MMP19: variants seen among roughly 807,000 people sequenced by gnomAD.
MMP19 encodes the protein matrix metalloproteinase-19.
MMP19 carries 47 observed loss-of-function variants against 46.6 expected under a neutral mutation model. That is an observed-to-expected ratio of 1.01 (90% CI 0.80 to 1.29). The LOEUF is 1.29. Among genes scored for constraint, MMP19 ranks in the 50% most tolerant of loss-of-function variants. The pLI is 0.00. For synonymous variants in MMP19, 222 were observed against 248.5 expected (o/e 0.89, Z 1.00); for missense variants, 589 against 643.5 (o/e 0.92, Z 0.92).
intron 5 of MMP19, 143 bp downstream of exon 5, chr12:55,839,353 T>G (rs1356618560): frequency 1.9e-6 from 2 of 1,055,720 alleles, no homozygotes; most frequent in Non-Finnish European, 1.3e-6. Flanking sequence ...AAACTGCTCC[T>G]GAAAATGAAG....
intron 3 of MMP19, 97 bp from the exon 4 acceptor site, chr12:55,840,979 A>T: frequency 6.5e-7 from 1 of 1,534,246 alleles, no homozygotes; most frequent in East Asian, 2.3e-5. Context: ...AAGACAGGTG[A>T]CAACCAGGTA....
intron 5 of MMP19, 30 bp downstream of exon 5, chr12:55,839,466 C>T (rs200235236): frequency 1.9e-6 from 3 of 1,578,738 alleles, no homozygotes; most frequent in Non-Finnish European, 1.7e-6. Context: ...GTCAGACTGA[C>T]CCTCCCCCTC....
intron 4 of MMP19, 62 bp downstream of exon 4, chr12:55,840,605 G>T: frequency 2.0e-6 from 3 of 1,509,430 alleles, no homozygotes; most frequent in Non-Finnish European, 2.7e-6. Flanking sequence ...AGAGTCACTG[G>T]TTCAAGGAGA....
chr12:55,842,922 C>T lies in MMP19; in HGVS notation c.-92G>A. ...GGGAGCAGTGCTAGGCAGAGGGGCT[C>T]TTACCCCCAGTTCTTTTTACTCTCC... On this transcript the variant is annotated 5_prime_UTR_variant, in exon 1 of 9. Transcript: ENST00000322569. 2 of 950,258 alleles carry T rather than the reference C, an allele frequency of 2.1e-6. No homozygotes were observed. Among genetic ancestry groups the T allele is most frequent in the Middle Eastern group, 2.1e-4 (1 of 4,758 alleles). 58.9% of individuals were successfully genotyped at this position (950,258 alleles called of 1,614,324 possible). A position where few individuals can be genotyped will look rare whatever the true frequency, so the allele number is the denominator to read the frequency against.
intron 5 of MMP19, among the ~76,000 whole-genome samples, chr12:55,839,260 A>AG (rs1381062735): frequency 1.3e-5 from 2 of 151,624 alleles, no homozygotes; most frequent in Admixed American, 6.6e-5. Context: ...AAAAAAAAAA[A>AG]AAGAAGGTGC....
At position 55,842,742 on chromosome 12, in the gene MMP19, AC is replaced by A. The variant is rs1320204548; in HGVS notation, c.87+1del. 1 of 1,601,680 alleles carries A rather than the reference AC, an allele frequency of 6.2e-7. No homozygotes were observed. On this transcript the variant is annotated splice_donor_variant, in intron 1 of 8. Transcript: ENST00000322569. LOFTEE classifies it high-confidence loss of function. ...CCCAGGTCTCTTTCTTGGGGGACTTACCACAGGCGCCACCTCTGCAAGCCCC... is the reference window on the plus strand; with the variant it reads ...CCCAGGTCTCTTTCTTGGGGGACTTACACAGGCGCCACCTCTGCAAGCCCC...
At position 55,839,633 on chromosome 12, in the gene MMP19, G is replaced by A. The variant is rs751187262; in HGVS notation, c.629C>T (p.Ala210Val). The A allele has an allele frequency of 6.2e-7, 1 of 1,614,248 alleles. No individual in the cohort carries two copies. The highest frequency in any genetic ancestry group is 8.5e-7 in the Non-Finnish European group (1 of 1,180,044). The change falls in exon 5 of 9, where the codon GCA (alanine) becomes GTA (valine). Residue 210 changes from alanine (A) to valine (V), a missense_variant. Physicochemically the swap from Ala to Val is moderately conservative, Grantham distance 64. Transcript: ENST00000322569. The part of the protein sequence containing the change: ...TYRGVNLRII[A>V]AHEVGHALGL... ...CAGAGCATGGCCCACTTCATGGGCT[G>A]CAATGATGCGCAGGTTCACCCCACG...
chr12:55,838,493 G>A (rs772125586), intron 6 of MMP19, 113 bp downstream of exon 6: 3 of 1,606,312 alleles, frequency 1.9e-6, no homozygotes, highest in East Asian at 2.2e-5. Context: ...AATGCCTGGG[G>A]TCTAACCTCC....
rs746174300 is a variant in MMP19 at position 55,837,937 on chromosome 12, G to A, written c.966C>T (p.Pro322=). The A allele has an allele frequency of 6.2e-7, 1 of 1,613,034 alleles. No individual in the cohort carries two copies. The highest frequency in any genetic ancestry group is 1.7e-5 in the Admixed American group (1 of 59,972). ...CCCAAAGGGCAGACACTCGGAACAA[G>A]GGGCCCGGTCCTGAATCTGATACAG... ...VWTVSDSGPG[P]LFRVSALWEG... The change falls in exon 7 of 9, where the codon CCC becomes CCT. Residue 322 remains proline, a synonymous_variant. Transcript: ENST00000322569.
chr12:55,839,723 G>T lies in MMP19; in HGVS notation c.539C>A (p.Ala180Asp). Residue 180 changes from alanine (A) to aspartate (D), a missense_variant, in exon 5 of 9, where the codon GCC becomes GAC. Coordinates refer to ENST00000322569, the MANE Select transcript of MMP19 (RefSeq NM_002429.6). Reference sequence around the variant, plus strand: ...CACACTGCCCAGCTCTGGGATGTCGGCATGGGCCAGGACTCTCCCTGGACA... The same window carrying T: ...CACACTGCCCAGCTCTGGGATGTCGTCATGGGCCAGGACTCTCCCTGGACA... ...FDGPGRVLAH[A>D]DIPELGSVHF... The T allele has an allele frequency of 6.2e-7, 1 of 1,612,090 alleles. No individual in the cohort carries two copies. The highest frequency in any genetic ancestry group is 8.5e-7 in the Non-Finnish European group (1 of 1,179,108).
At chr12:55,838,401 T>C in intron 6 of MMP19, 1 of 1,184,162 alleles carries the variant, frequency 8.4e-7, no homozygotes, top group East Asian at 2.4e-5. Flanking sequence ...CGTGGCAGCC[T>C]TGGTAAGTGC....
At chr12:55,842,599 C>T (rs1488415453) in intron 1 of MMP19, 145 bp downstream of exon 1, 19 of 848,396 alleles carry the variant, frequency 2.2e-5, no homozygotes, top group African/African-American at 1.5e-4. Flanking sequence ...GGGGAAGCAG[C>T]GGGAGATGGG....
Position 55,835,937 on chromosome 12 carries a change from A to G in MMP19, c.*1099T>C, listed in dbSNP as rs997728066. The G allele has an allele frequency of 6.6e-6, 1 of 152,324 alleles. No individual in the cohort carries two copies. Among genetic ancestry groups the G allele is most frequent in the African/African-American group, 2.4e-5 (1 of 41,460 alleles). 9.4% of individuals were successfully genotyped at this position (152,324 alleles called of 1,614,324 possible). A position where few individuals can be genotyped will look rare whatever the true frequency, so the allele number is the denominator to read the frequency against. On this transcript the variant is annotated 3_prime_UTR_variant, in exon 9 of 9. Coordinates refer to ENST00000322569, the MANE Select transcript of MMP19 (RefSeq NM_002429.6). ...CCCCAAAAGCTGGCTTCTTGCTCCA[A>G]GGAGAGAGCATTGACCCACCTGCCA...
At chr12:55,839,817 C>G in intron 4 of MMP19, 76 bp from the exon 5 acceptor site, 2 of 1,492,758 alleles carry the variant, frequency 1.3e-6, no homozygotes, top group East Asian at 2.5e-5. Context: ...ATTATAAACT[C>G]TAATTAATGC....
At chr12:55,840,941 C>G (rs531939357) in intron 3 of MMP19, 59 bp from the exon 4 acceptor site, 1 of 1,531,566 alleles carries the variant, frequency 6.5e-7, no homozygotes, top group African/African-American at 1.4e-5. Context: ...CCCCAGAGAG[C>G]TCCTCTGGGT....
intron 1 of MMP19, 151 bp downstream of exon 1, chr12:55,842,593 A>T (rs1264019409): frequency 4.7e-6 from 4 of 842,846 alleles, no homozygotes; most frequent in Non-Finnish European, 7.9e-6. Flanking sequence ...GAACAAGGGG[A>T]AGCAGCGGGA....
In MMP19 at chr12:55,836,891, C is replaced by T. The variant is rs958525615; in HGVS notation, c.*145G>A. ...TAGAGGCCTGAGATCTACGGTCTTG[C>T]GCCTGCTACAGCACCTGCAAGGTTC... On this transcript the variant is annotated 3_prime_UTR_variant, in exon 9 of 9. Transcript: ENST00000322569. 5.8e-5 allele frequency: 42 copies of T among 726,874 alleles called. 1 individual carries two copies. The highest frequency in any genetic ancestry group is 3.4e-4 in the African/African-American group (19 of 56,584). 45.0% of individuals were successfully genotyped at this position (726,874 alleles called of 1,614,324 possible).
chr12:55,842,810 C>G lies in MMP19; in HGVS notation c.21G>C (p.Trp7Cys), dbSNP rs147421269. The stretch of plus-strand genomic sequence containing the variant: ...CTGTCATGGGGAGTAGGAAGCCCAG[C>G]CACAGCTGCTGGCAGTTCATGGTCC... MNCQQL[W>C]LGFLLPMTVS... The change falls in exon 1 of 9, where the codon TGG becomes TGC. Residue 7 changes from tryptophan to cysteine, a missense_variant. Physicochemically the swap from Trp to Cys is radical, Grantham distance 215. Coordinates refer to ENST00000322569, the MANE Select transcript of MMP19 (RefSeq NM_002429.6). 9 of 1,602,296 alleles carry G rather than the reference C, an allele frequency of 5.6e-6. No individual in the cohort carries two copies. The African/African-American group carries it at 1.2e-4, about 21-fold the overall frequency.
intron 3 of MMP19, 90 bp downstream of exon 3, chr12:55,841,016 C>A: frequency 1.3e-6 from 2 of 1,567,122 alleles, no homozygotes; most frequent in South Asian, 1.2e-5. Context: ...CTATTCAACA[C>A]TGAGCTGGTC....
Sources: gnomAD v4.1 joint callset for allele counts (sites outside exome capture counted in the v4.1 genomes callset) on GRCh38, gnomAD v4.1.1 for gene constraint, MANE v1.5 for transcripts, NCBI Gene and HGNC (gene_info 2026-07-23, HGNC 2026-07-21) for gene names.